SH3GLB2: variants seen among roughly 807,000 people sequenced by gnomAD.
SH3GLB2 encodes the protein SH3 domain containing GRB2 like, endophilin B2.
A neutral mutation model predicts 48.0 loss-of-function variants in SH3GLB2; 24 were observed. The ratio of observed to expected loss-of-function variants is 0.50; its 90% CI spans 0.36 to 0.70. SH3GLB2 has a LOEUF of 0.70. Ranked by LOEUF, SH3GLB2 falls within the 30% of genes least tolerant of loss-of-function variation. The pLI, the probability that SH3GLB2 is intolerant of heterozygous loss-of-function variation, is 0.00. For synonymous variants in SH3GLB2, 227 were observed against 207.6 expected (o/e 1.09, Z -0.80); for missense variants, 425 against 516.0 (o/e 0.82, Z 1.71).
chr9:129,015,849 C>A, intron 3 of SH3GLB2: 1 of 357,576 alleles, frequency 2.8e-6, no homozygotes, highest in Non-Finnish European at 5.7e-6. Flanking sequence ...GTCTGGGTGA[C>A]ACAGCAAGAT....
Position 129,014,092 on chromosome 9 carries a change from G to T in SH3GLB2, c.561+319C>A. ...AAGGTGCCATGCCCGGGCAGAGCCG[G>T]GGACAGAGCCGAGCATCTAGGAGGG... On this transcript the variant is annotated intron_variant, in intron 5 of 10. Coordinates refer to ENST00000372564, the MANE Select transcript of SH3GLB2 (RefSeq NM_020145.4). This position sits in a 1 kb window ranked among gnomAD's most constrained non-coding sequence, Gnocchi z 4.1. The T allele has an allele frequency of 1.7e-6, 1 of 592,272 alleles. No homozygotes were observed. The highest frequency in any genetic ancestry group is 3.2e-6 in the Non-Finnish European group (1 of 314,880). 36.7% of individuals were successfully genotyped at this position (592,272 alleles called of 1,614,324 possible).
At chr9:129,021,572 A>G (rs1320602207) in intron 2 of SH3GLB2, among the ~76,000 whole-genome samples, 2 of 151,808 alleles carry the variant, frequency 1.3e-5, no homozygotes, top group Admixed American at 6.6e-5. Flanking sequence ...TTTCCCCGGA[A>G]GTCCTGCAGG....
rs572278319 is a variant in SH3GLB2 at position 129,008,306 on chromosome 9, G to C, written c.*378C>G. On this transcript the variant is annotated 3_prime_UTR_variant, in exon 11 of 11. Transcript: ENST00000372564. ...CCGCATTCCCCTGATGCAGCTTTTGGCAACTGAAAGGCAGGGCTCTCGCTG... is the reference window on the plus strand; with the variant it reads ...CCGCATTCCCCTGATGCAGCTTTTGCCAACTGAAAGGCAGGGCTCTCGCTG... 3 of 231,902 alleles carry C rather than the reference G, an allele frequency of 1.3e-5. No homozygotes were observed. Among genetic ancestry groups the C allele is most frequent in the Non-Finnish European group, 2.6e-5 (3 of 114,040 alleles). The allele number at this position is 231,902 out of a possible 1,614,324, so 14.4% of individuals were successfully genotyped here.
chr9:129,026,192 G>A (rs762922553), intron 1 of SH3GLB2, among the ~76,000 whole-genome samples: 3 of 152,142 alleles, frequency 2.0e-5, no homozygotes, highest in Non-Finnish European at 2.9e-5. Flanking sequence ...TCATCTCAGG[G>A]CCAAGGCCTT....
At chr9:129,028,010 C>A in intron 1 of SH3GLB2, 82 bp downstream of exon 1, 2 of 1,336,862 alleles carry the variant, frequency 1.5e-6, no homozygotes, top group Admixed American at 2.8e-5. Flanking sequence ...GGCTTTCCCG[C>A]GTCCCCAGGC....
Position 129,009,787 on chromosome 9 carries a change from G to C in SH3GLB2, c.823C>G (p.Gln275Glu). 1 of 1,613,426 alleles carries C rather than the reference G, an allele frequency of 6.2e-7. No individual in the cohort carries two copies. The highest frequency in any genetic ancestry group is 8.5e-7 in the Non-Finnish European group (1 of 1,179,702). The change falls in exon 9 of 11, where the codon CAG becomes GAG. Residue 275 changes from glutamine to glutamate, a missense_variant. By Grantham distance (29) the Gln-to-Glu change is conservative (BLOSUM62 2). Transcript: ENST00000372564. ...AQCYRHMLDLQKQLGRFPGTF... is the reference protein window; with the variant it reads ...AQCYRHMLDLEKQLGRFPGTF... ...GCCCCGCACCTGCCCAGCTGCTTCTGCAAGTCCAGCATGTGGCGGTAGCAC... is the reference window on the plus strand; with the variant it reads ...GCCCCGCACCTGCCCAGCTGCTTCTCCAAGTCCAGCATGTGGCGGTAGCAC...
At position 129,007,611 on chromosome 9, in the gene SH3GLB2, A is replaced by C. The variant is rs1842842255; in HGVS notation, c.*1073T>G. ...ACTTGCCAACTGTGGTCCCTTGAGG[A>C]GCTGACTGTCTTGCTGATCTCATCT... On this transcript the variant is annotated 3_prime_UTR_variant, in exon 11 of 11. Transcript: ENST00000372564. 6.6e-6 allele frequency: 1 copy of C among 152,116 alleles called. No homozygotes were observed. Among genetic ancestry groups the C allele is most frequent in the African/African-American group, 2.4e-5 (1 of 41,416 alleles). 9.4% of individuals were successfully genotyped at this position (152,116 alleles called of 1,614,324 possible).
At chr9:129,016,341 TTAAAAAAAAAAAAAA>T (rs1270831026) in intron 3 of SH3GLB2, among the ~76,000 whole-genome samples, 4 of 111,124 alleles carry the variant, frequency 3.6e-5, no homozygotes, top group African/African-American at 1.5e-4. Context: ...AAGACTGTCT[TTAAAAAAAAAAAAAA>T]AAAAAAAAAA....
rs1045197986 is a variant in SH3GLB2 at position 129,010,774 on chromosome 9, G to A, written c.625-81C>T. ...ACCCTAGAGCCTGTGCCCTGCCCCA[G>A]CTCCCAGACTCAACTTCTGCCCCCC... is the stretch of plus-strand genomic sequence containing the variant. On this transcript the variant is annotated intron_variant, in intron 6 of 10. Transcript: ENST00000372564. The A allele has an allele frequency of 2.8e-5, 43 of 1,561,320 alleles. No individual in the cohort carries two copies. The African/African-American group carries it at 4.9e-4, about 18-fold the overall frequency.
At position 129,011,177 on chromosome 9, in the gene SH3GLB2, C is replaced by T. The variant is rs1193816327; in HGVS notation, c.625-484G>A. The T allele has an allele frequency of 6.5e-6, 1 of 155,034 alleles. No homozygotes were observed. Among genetic ancestry groups the T allele is most frequent in the African/African-American group, 2.4e-5 (1 of 41,524 alleles). The allele number at this position is 155,034 out of a possible 1,614,324, so 9.6% of individuals were successfully genotyped here. A position where few individuals can be genotyped will look rare whatever the true frequency, so the allele number is the denominator to read the frequency against. On this transcript the variant is annotated intron_variant, in intron 6 of 10. Transcript: ENST00000372564. This position sits in a 1 kb window ranked among gnomAD's most constrained non-coding sequence, Gnocchi z 4.5. ...CCACCCTCTAGGATGTTTCTCCTTC[C>T]ACTGGGCACAGGGAGGAGGCGGGAA...
chr9:129,013,217 A>G, intron 5 of SH3GLB2: 1 of 607,928 alleles, frequency 1.6e-6, no homozygotes, highest in Non-Finnish European at 2.9e-6. Flanking sequence ...GTGGAGCTTG[A>G]GTCCTCTGGA....
At position 129,028,312 on chromosome 9, in the gene SH3GLB2, G is replaced by T. The variant is rs1383597322; in HGVS notation, c.-158C>A. ...CGCCTGCCCGCCCGCCGCAGCCGCC[G>T]AGCCAGCCCGAGCGCGCAGGGCGGG... is the stretch of plus-strand genomic sequence containing the variant. On this transcript the variant is annotated 5_prime_UTR_variant, in exon 1 of 11. Coordinates refer to ENST00000372564, the MANE Select transcript of SH3GLB2 (RefSeq NM_020145.4). The T allele has an allele frequency of 1.6e-5, 5 of 309,600 alleles. No homozygotes were observed. The highest frequency in any genetic ancestry group is 1.5e-3 in the Middle Eastern group (1 of 660). 19.2% of individuals were successfully genotyped at this position (309,600 alleles called of 1,614,324 possible). A position where few individuals can be genotyped will look rare whatever the true frequency, so the allele number is the denominator to read the frequency against.
At chr9:129,022,156 G>C (rs1018159688) in intron 2 of SH3GLB2, 126 bp downstream of exon 2, 9 of 1,405,186 alleles carry the variant, frequency 6.4e-6, no homozygotes, top group Non-Finnish European at 7.6e-6. Context: ...ACAGCCTTGA[G>C]CCCAAGAGTC....
At chr9:129,022,486 G>C in intron 1 of SH3GLB2, 63 bp from the exon 2 acceptor site, 2 of 1,448,368 alleles carry the variant, frequency 1.4e-6, no homozygotes, top group Non-Finnish European at 1.9e-6. Context: ...TGGGGGAGTG[G>C]TGGGGAAAGG....
intron 3 of SH3GLB2, chr9:129,015,737 C>A: frequency 4.9e-6 from 1 of 203,560 alleles, no homozygotes; most frequent in Non-Finnish European, 1.0e-5. Context: ...CGCTGGCTCA[C>A]ACCTGTAATC....
chr9:129,016,309 C>CTCCA (rs1328591836), intron 3 of SH3GLB2, among the ~76,000 whole-genome samples: 3 of 133,408 alleles, frequency 2.2e-5, no homozygotes, highest in Non-Finnish European at 4.6e-5. Context: ...CACCACTGTA[C>CTCCA]TCCAGCCTGG....
At chr9:129,012,553 G>A (rs1208069705) in intron 5 of SH3GLB2, 1 of 424,602 alleles carries the variant, frequency 2.4e-6, no homozygotes, top group Admixed American at 4.1e-5. Context: ...AATGCGGTGA[G>A]GAGATGGCCG....
chr9:129,021,889 G>A (rs988740137), intron 2 of SH3GLB2, among the ~76,000 whole-genome samples: 15 of 150,448 alleles, frequency 1.0e-4, no homozygotes, highest in Non-Finnish European at 2.1e-4. Flanking sequence ...AACCCAGGAG[G>A]CAAGGGTTGC....
chr9:129,027,955 G>T (rs1029389980), intron 1 of SH3GLB2, 137 bp downstream of exon 1: 1 of 788,294 alleles, frequency 1.3e-6, no homozygotes, highest in Non-Finnish European at 1.8e-6. Flanking sequence ...GGGCTCAGGG[G>T]GGCAGAGGTG....
Sources: allele counts gnomAD v4.1 joint callset (sites outside exome capture counted in the v4.1 genomes callset), GRCh38; gene constraint gnomAD v4.1.1; non-coding constraint Gnocchi (gnomAD v3.1); transcripts MANE v1.5; gene names NCBI Gene and HGNC (gene_info 2026-07-23, HGNC 2026-07-21).